Variants in BACH2 observed in about 807,000 individuals in gnomAD.
BACH2 encodes the protein BACH transcriptional regulator 2, also known as transcription regulator protein BACH2.
Under a neutral mutation model 61.8 loss-of-function variants are expected in BACH2, and 5 were observed. The ratio of observed to expected loss-of-function variants is 0.08; its 90% CI spans 0.04 to 0.17. The LOEUF is 0.17. BACH2 is among the 10% of genes least tolerant of loss of function. The probability of loss-of-function intolerance (pLI) is 1.00; values close to 1 mark genes in which losing one functional copy is unlikely to be tolerated. For missense variants in BACH2, 824 were observed against 1,091.1 expected (o/e 0.76, Z 3.45); for synonymous variants, 446 against 440.1 (o/e 1.01, Z -0.17).
chr6:90,033,826 T>C lies in BACH2; in HGVS notation c.-12-24970A>G, dbSNP rs182053741. Among the ~76,000 whole-genome samples, 202 of 152,282 alleles carry C rather than the reference T, an allele frequency of 1.3e-3. 1 individual carries two copies. Among genetic ancestry groups the C allele is most frequent in the East Asian group, 2.7e-3 (14 of 5,180 alleles). On this transcript the variant is annotated intron_variant, in intron 5 of 8. Coordinates refer to ENST00000257749, the MANE Select transcript of BACH2 (RefSeq NM_021813.4). The stretch of plus-strand genomic sequence containing the variant: ...AATGCCCGACAATGTTTCTTTTCAA[T>C]AGAACTCAAGCTGACTAAAAGACAT...
intron 4 of BACH2, among the ~76,000 whole-genome samples, chr6:90,140,201 C>T (rs1302282858): frequency 1.3e-5 from 2 of 152,234 alleles, no homozygotes; most frequent in Non-Finnish European, 1.5e-5. Flanking sequence ...TCTTACATCT[C>T]ATTGGCCATA....
chr6:89,943,215 A>C (rs1032075296), intron 7 of BACH2, among the ~76,000 whole-genome samples: 2 of 152,040 alleles, frequency 1.3e-5, no homozygotes, highest in African/African-American at 4.8e-5. Flanking sequence ...GAACCTACAT[A>C]TGTCTCCTTG....
chr6:90,073,587 C>T (rs1781338852), intron 5 of BACH2, among the ~76,000 whole-genome samples: 1 of 152,198 alleles, frequency 6.6e-6, no homozygotes, highest in African/African-American at 2.4e-5. Context: ...CTCCTCTCCT[C>T]CCACTTTTCC....
intron 3 of BACH2, among the ~76,000 whole-genome samples, chr6:90,246,092 T>G (rs985481702): frequency 6.6e-6 from 1 of 152,180 alleles, no homozygotes; most frequent in Non-Finnish European, 1.5e-5. Flanking sequence ...CAATGAACAG[T>G]GGGTCCTTCA....
At chr6:90,251,215 T>C (rs1056473308) in intron 3 of BACH2, among the ~76,000 whole-genome samples, 97 of 152,174 alleles carry the variant, frequency 6.4e-4, no homozygotes, top group Non-Finnish European at 4.6e-4. Context: ...GATGGCCATT[T>C]TTTCCTAAAA....
At position 89,951,123 on chromosome 6, in the gene BACH2, C is replaced by A; in HGVS notation, c.983G>T (p.Cys328Phe). The A allele has an allele frequency of 1.2e-6, 2 of 1,609,902 alleles. No individual in the cohort carries two copies. Among genetic ancestry groups the A allele is most frequent in the Non-Finnish European group, 1.7e-6 (2 of 1,178,434 alleles). Residue 328 changes from cysteine (C) to phenylalanine (F), a missense_variant, in exon 7 of 9, where the codon TGC becomes TTC. Physicochemically the swap from Cys to Phe is radical, Grantham distance 205 (BLOSUM62 -2). Coordinates refer to ENST00000257749, the MANE Select transcript of BACH2 (RefSeq NM_021813.4). This position sits in a 1 kb window ranked among gnomAD's most constrained non-coding sequence, Gnocchi z 6.4. ...PTPTAPAGAA[C>F]LERSRSVASP... The stretch of plus-strand genomic sequence containing the variant: ...GGCCACGCTCCTGGATCTCTCCAGG[C>A]AGGCGGCCCCAGCTGGGGCCGTGGG...
chr6:90,014,498 A>T, intron 5 of BACH2, among the ~76,000 whole-genome samples: 1 of 76,280 alleles, frequency 1.3e-5, no homozygotes, highest in Non-Finnish European at 2.3e-5. Flanking sequence ...TTTTTTAGAC[A>T]GATTCTTGCT....
chr6:90,230,405 T>C (rs1433892861), intron 3 of BACH2, among the ~76,000 whole-genome samples: 2 of 152,186 alleles, frequency 1.3e-5, no homozygotes, highest in Admixed American at 6.5e-5. Context: ...GATTAAACAG[T>C]TTGATGCATA....
chr6:90,115,659 TA>T (rs1783367001), intron 4 of BACH2, among the ~76,000 whole-genome samples: 1 of 151,810 alleles, frequency 6.6e-6, no homozygotes, highest in Non-Finnish European at 1.5e-5. Context: ...CAAAAGCAAA[TA>T]TTGACAAATT....
At position 90,087,549 on chromosome 6, in the gene BACH2, T is replaced by C. The variant is rs560658192; in HGVS notation, c.-13+1412A>G. ...AGTCAAACTCTTCTACTTTTTTCTA[T>C]TAACGTGGAATAAATTGTTCTTGTC... is the stretch of plus-strand genomic sequence containing the variant. On this transcript the variant is annotated intron_variant, in intron 5 of 8. Transcript: ENST00000257749. Among the ~76,000 whole-genome samples, 21 of 152,294 alleles carry C rather than the reference T, an allele frequency of 1.4e-4. 1 individual carries two copies. The highest frequency in any genetic ancestry group is 5.1e-4 in the African/African-American group (21 of 41,582).
rs2273403 is a variant in BACH2, at chr6:90,088,911, A to G, written c.-13+50T>C. On this transcript the variant is annotated intron_variant, in intron 5 of 8. Transcript: ENST00000257749. The stretch of plus-strand genomic sequence containing the variant: ...GCTATTTGTTACTATCACCTAAGAA[A>G]ATATTTATCATTGTTTAATTAAGGA... 0.33 allele frequency: 49,940 copies of G among 152,248 alleles called. 8,781 individuals carry two copies. The highest frequency in any genetic ancestry group is 0.66 in the East Asian group (3,522 of 5,308). The allele number at this position is 152,248 out of a possible 1,614,324, so 9.4% of individuals were successfully genotyped here. A position where few individuals can be genotyped will look rare whatever the true frequency, so the allele number is the denominator to read the frequency against.
At chr6:90,116,563 A>T (rs2127818170) in intron 4 of BACH2, 1 of 168,714 alleles carries the variant, frequency 5.9e-6, no homozygotes, top group Middle Eastern at 2.9e-3. Context: ...TCCCTGTGAC[A>T]CATGTTTATC....
intron 4 of BACH2, among the ~76,000 whole-genome samples, chr6:90,134,641 T>C (rs926475295): frequency 8.5e-5 from 13 of 152,228 alleles, no homozygotes; most frequent in Non-Finnish European, 1.3e-4. Flanking sequence ...GGTGACCATC[T>C]CCAGAATGGC....
chr6:89,972,319 T>C (rs1473106144), intron 6 of BACH2, among the ~76,000 whole-genome samples: 5 of 152,040 alleles, frequency 3.3e-5, no homozygotes, highest in African/African-American at 1.2e-4. Context: ...CAAGCACCAC[T>C]GTGGCCGGGA....
intron 3 of BACH2, among the ~76,000 whole-genome samples, chr6:90,216,974 T>C (rs991858616): frequency 1.5e-4 from 23 of 152,096 alleles, no homozygotes; most frequent in Non-Finnish European, 3.4e-4. Context: ...CATTCAAGGA[T>C]ATGGGTAGAC....
At position 90,195,921 on chromosome 6, in the gene BACH2, A is replaced by C. The variant is rs189269408; in HGVS notation, c.-162+10648T>G. Among the ~76,000 whole-genome samples the C allele has an allele frequency of 3.3e-5, 5 of 152,378 alleles. No homozygotes were observed. The East Asian group carries it at 9.6e-4, about 29-fold the overall frequency. The stretch of plus-strand genomic sequence containing the variant: ...AGAGAAAGAGATGTAGAAAGTAATC[A>C]TAATAGAAAGCATTTGCTGAGTGTC... On this transcript the variant is annotated intron_variant, in intron 4 of 8. Transcript: ENST00000257749.
Position 90,092,315 on chromosome 6 carries a change from T to TATATATATATATATAC in BACH2, c.-161-3207_-161-3206insGTATATATATATATAT, listed in dbSNP as rs142761642. Reference sequence around the variant, plus strand: ...AAATATATATATATATATATATATATACACACACACACATTGCATCACTTG... The same window carrying TATATATATATATATAC: ...AAATATATATATATATATATATATATATATATATATATATACACACACACACACATTGCATCACTTG... On this transcript the variant is annotated intron_variant, in intron 4 of 8. Transcript: ENST00000257749. 1.7e-3 allele frequency among the ~76,000 whole-genome samples: 186 copies of TATATATATATATATAC among 112,260 alleles called. 1 individual carries two copies. In the East Asian group the frequency reaches 0.022, roughly 13 times the overall value. The allele number at this position is 112,260 out of a possible 152,430, so 73.6% of individuals were successfully genotyped here. A position where few individuals can be genotyped will look rare whatever the true frequency, so the allele number is the denominator to read the frequency against.
intron 6 of BACH2, among the ~76,000 whole-genome samples, chr6:89,989,205 G>A (rs1776403913): frequency 6.6e-6 from 1 of 152,092 alleles, no homozygotes; most frequent in African/African-American, 2.4e-5. Flanking sequence ...TACACAGTTT[G>A]GTAGTGTTAA....
chr6:89,963,897 G>A (rs897234573), intron 6 of BACH2, among the ~76,000 whole-genome samples: 6 of 152,146 alleles, frequency 3.9e-5, no homozygotes, highest in Non-Finnish European at 8.8e-5. Flanking sequence ...ATCCTGTCAC[G>A]TGTTCTAACA....
Sources: allele counts gnomAD v4.1 joint callset (sites outside exome capture counted in the v4.1 genomes callset), GRCh38; gene constraint gnomAD v4.1.1; non-coding constraint Gnocchi (gnomAD v3.1); transcripts MANE v1.5; gene names NCBI Gene and HGNC (gene_info 2026-07-23, HGNC 2026-07-21).